Variants in MMP26 observed in about 807,000 individuals in gnomAD.
MMP26 encodes matrix metalloproteinase-26.
In MMP26, 33 loss-of-function variants were observed where a neutral mutation model predicts 31.0. That is an observed-to-expected ratio of 1.06 (90% confidence interval 0.81 to 1.42). The LOEUF (loss-of-function observed/expected upper bound fraction) is 1.42. Among genes scored for constraint, MMP26 ranks in the 40% most tolerant of loss-of-function variants. The pLI is 0.00. For synonymous variants in MMP26, 122 were observed against 114.9 expected (o/e 1.06, Z -0.40); for missense variants, 347 against 316.1 (o/e 1.10, Z -0.74).
intron 1 of MMP26, chr11:4,710,710 G>T (rs1847850188): frequency 3.1e-6 from 1 of 325,352 alleles, no homozygotes; most frequent in African/African-American, 2.2e-5. Context: ...CGGTACTTCT[G>T]ATCCTTTCAT....
intron 2 of MMP26, among the ~76,000 whole-genome samples, chr11:4,901,149 C>CCTT (rs1850794642): frequency 1.2e-5 from 1 of 84,518 alleles, no homozygotes; most frequent in Non-Finnish European, 2.2e-5. Flanking sequence ...CCTCTTTGTG[C>CCTT]TTTTTTTTTT....
intron 2 of MMP26, among the ~76,000 whole-genome samples, chr11:4,986,201 A>T (rs1032112580): frequency 2.6e-5 from 4 of 151,872 alleles, no homozygotes; most frequent in Middle Eastern, 3.4e-3. Context: ...TTTGAGTCTC[A>T]TTTTTTTTAA....
intron 1 of MMP26, chr11:4,723,044 T>G: frequency 9.0e-7 from 1 of 1,107,032 alleles, no homozygotes; most frequent in Non-Finnish European, 1.4e-6. Context: ...CAGGGCCAGT[T>G]TGACTTTCAT....
intron 2 of MMP26, among the ~76,000 whole-genome samples, chr11:4,785,838 T>A (rs1848935873): frequency 6.6e-6 from 1 of 152,164 alleles, no homozygotes; most frequent in South Asian, 2.1e-4. Flanking sequence ...GTTTTCGCTA[T>A]GTTTTAGTAT....
At position 4,912,990 on chromosome 11, in the gene MMP26, C is replaced by T. The variant is rs151058175; in HGVS notation, c.-144-75078C>T. 73 of 152,098 alleles carry T rather than the reference C, an allele frequency of 4.8e-4. 1 individual carries two copies. Among genetic ancestry groups the T allele is most frequent in the African/African-American group, 1.7e-3 (71 of 41,506 alleles). The allele number at this position is 152,098 out of a possible 1,614,324, so 9.4% of individuals were successfully genotyped here. On this transcript the variant is annotated intron_variant, in intron 2 of 7. Coordinates refer to ENST00000380390, the MANE Select transcript of MMP26 (RefSeq NM_021801.5). ...TGTAACTATTCAAATTACTATAACT[C>T]ACAAGTCAGCCTTAGTGTGGAAAAT...
Position 4,829,750 on chromosome 11 carries a change from C to T in MMP26, c.-145+62409C>T, listed in dbSNP as rs184596911. Among the ~76,000 whole-genome samples, 41 of 152,334 alleles carry T rather than the reference C, an allele frequency of 2.7e-4. 1 individual carries two copies. The highest frequency in any genetic ancestry group is 8.2e-4 in the African/African-American group (34 of 41,582). ...CCATCACATTAAAAATCTGTCTAGACATTGTGATGACCAAACAGAACACAT... is the reference window on the plus strand; with the variant it reads ...CCATCACATTAAAAATCTGTCTAGATATTGTGATGACCAAACAGAACACAT... On this transcript the variant is annotated intron_variant, in intron 2 of 7. Transcript: ENST00000380390.
intron 1 of MMP26, among the ~76,000 whole-genome samples, chr11:4,724,348 G>T (rs2133278053): frequency 6.6e-6 from 1 of 152,312 alleles, no homozygotes; most frequent in African/African-American, 2.4e-5. Flanking sequence ...GGGTGGACTT[G>T]TGACCTCCTG....
chr11:4,854,615 C>G (rs1244050784), intron 2 of MMP26, among the ~76,000 whole-genome samples: 1 of 152,214 alleles, frequency 6.6e-6, no homozygotes, highest in South Asian at 2.1e-4. Flanking sequence ...CTGCCTGCCT[C>G]TGTAGATTCC....
At chr11:4,796,515 T>A (rs138499416) in intron 2 of MMP26, among the ~76,000 whole-genome samples, 1 of 152,334 alleles carries the variant, frequency 6.6e-6, no homozygotes, top group East Asian at 1.9e-4. Flanking sequence ...GCATTCTGGA[T>A]GTTTCAGGAC....
chr11:4,849,381 A>G, intron 2 of MMP26: 1 of 636,294 alleles, frequency 1.6e-6, no homozygotes, highest in Non-Finnish European at 2.7e-6. Flanking sequence ...GCACGCACCC[A>G]TCCTAATAGT....
intron 2 of MMP26, among the ~76,000 whole-genome samples, chr11:4,850,168 C>G (rs761245800): frequency 2.0e-5 from 3 of 152,166 alleles, no homozygotes; most frequent in Admixed American, 6.5e-5. Context: ...TATCTACTCT[C>G]ATGACATCAA....
In MMP26 at chr11:4,836,201, C is replaced by T. The variant is rs114386635; in HGVS notation, c.-145+68860C>T. On this transcript the variant is annotated intron_variant, in intron 2 of 7. Coordinates refer to ENST00000380390, the MANE Select transcript of MMP26 (RefSeq NM_021801.5). ...GCTTTACATCTCATATTAAGTAAAT[C>T]ACACTATAAAGCTATAATAAATAAG... Among the ~76,000 whole-genome samples, 506 of 152,038 alleles carry T rather than the reference C, an allele frequency of 3.3e-3. 4 individuals carry two copies. Among genetic ancestry groups the T allele is most frequent in the African/African-American group, 9.7e-3 (402 of 41,508 alleles).
chr11:4,855,747 A>AGC (rs1240188307), intron 2 of MMP26, among the ~76,000 whole-genome samples: 1 of 152,160 alleles, frequency 6.6e-6, no homozygotes, highest in Admixed American at 6.5e-5. Flanking sequence ...CCTCGAGAAG[A>AGC]GCAACTCCAA....
intron 2 of MMP26, chr11:4,915,315 A>T (rs1178613276): frequency 6.2e-7 from 1 of 1,613,908 alleles, no homozygotes; most frequent in Admixed American, 1.7e-5. Flanking sequence ...AGCACAGAGG[A>T]CTCGAGGAAG....
intron 2 of MMP26, among the ~76,000 whole-genome samples, chr11:4,906,808 G>A (rs1040691555): frequency 1.2e-4 from 18 of 152,156 alleles, no homozygotes; most frequent in South Asian, 2.1e-4. Flanking sequence ...TTAAAAAGTA[G>A]GGCCAGATGC....
intron 2 of MMP26, among the ~76,000 whole-genome samples, chr11:4,836,152 C>T (rs905539613): frequency 2.0e-5 from 3 of 151,922 alleles, no homozygotes; most frequent in African/African-American, 4.8e-5. Context: ...CCAAAGCTTT[C>T]GTTTGTTTTG....
intron 2 of MMP26, chr11:4,943,583 G>A: frequency 2.4e-6 from 1 of 418,818 alleles, no homozygotes; most frequent in Admixed American, 2.6e-5. Context: ...AGCGTCTCCG[G>A]CCTCTAATCA....
At chr11:4,754,278 G>A (rs7945751) in intron 1 of MMP26, among the ~76,000 whole-genome samples, 13,154 of 151,640 alleles carry the variant, frequency 0.087, 1,171 homozygotes, top group African/African-American at 0.23. Flanking sequence ...GATAATTATC[G>A]TATACTTCTT....
chr11:4,902,709 C>A (rs1460801739), intron 2 of MMP26, among the ~76,000 whole-genome samples: 1 of 152,126 alleles, frequency 6.6e-6, no homozygotes, highest in Non-Finnish European at 1.5e-5. Flanking sequence ...GCTAGAATAG[C>A]CCAATGACAT....
Sources: gnomAD v4.1 joint callset for allele counts (sites outside exome capture counted in the v4.1 genomes callset) on GRCh38, gnomAD v4.1.1 for gene constraint, MANE v1.5 for transcripts, NCBI Gene and HGNC (gene_info 2026-07-23, HGNC 2026-07-21) for gene names.